CADM2: variants seen among roughly 807,000 people sequenced by gnomAD.
CADM2 encodes cell adhesion molecule 2.
A neutral mutation model predicts 49.8 loss-of-function variants in CADM2; 12 were observed. The ratio of observed to expected loss-of-function variants is 0.24; its 90% confidence interval spans 0.15 to 0.39. The LOEUF (loss-of-function observed/expected upper bound fraction) is 0.39, where lower values mean the gene tolerates loss of function less well. Among genes scored for constraint, CADM2 ranks in the 10% least tolerant of loss-of-function variants. CADM2 has a pLI of 1.00. For synonymous variants in CADM2, 214 were observed against 175.4 expected (o/e 1.22, Z -1.74); for missense variants, 378 against 492.3 (o/e 0.77, Z 2.20).
intron 1 of CADM2, among the ~76,000 whole-genome samples, chr3:85,651,557 A>T (rs2065042398): frequency 6.6e-6 from 1 of 152,218 alleles, no homozygotes; most frequent in African/African-American, 2.4e-5. Flanking sequence ...AAAGAAACAG[A>T]TATAAAAAGA....
intron 1 of CADM2, among the ~76,000 whole-genome samples, chr3:85,246,859 G>A (rs1469933467): frequency 6.6e-6 from 1 of 151,990 alleles, no homozygotes; most frequent in South Asian, 2.1e-4. Flanking sequence ...TGTTTGCTGT[G>A]TATATTTTGT....
intron 1 of CADM2, among the ~76,000 whole-genome samples, chr3:85,416,127 T>A (rs1463650350): frequency 6.6e-6 from 1 of 152,154 alleles, no homozygotes; most frequent in Non-Finnish European, 1.5e-5. Flanking sequence ...AACCTTATGC[T>A]ACAAAATAAA....
Position 85,877,110 on chromosome 3 carries a change from T to C in CADM2, c.239-6181T>C, listed in dbSNP as rs141582184. ...TTCCAGAATTTAGAGTTTTGAACTG[T>C]TAAATTACCCCACCGGTGGGTAGCA... On this transcript the variant is annotated intron_variant, in intron 3 of 9. Coordinates refer to ENST00000383699, the MANE Select transcript of CADM2 (RefSeq NM_001167675.2). 2.4e-4 allele frequency among the ~76,000 whole-genome samples: 36 copies of C among 152,226 alleles called. No homozygotes were observed. In the East Asian group the frequency reaches 4.4e-3, roughly 19 times the overall value.
intron 1 of CADM2, among the ~76,000 whole-genome samples, chr3:85,568,108 C>T (rs2062322530): frequency 6.6e-6 from 1 of 152,134 alleles, no homozygotes; most frequent in Non-Finnish European, 1.5e-5. Context: ...AATGTCTTAC[C>T]AGCTATCTAT....
intron 1 of CADM2, among the ~76,000 whole-genome samples, chr3:85,022,169 A>G (rs2034539348): frequency 6.6e-6 from 1 of 152,212 alleles, no homozygotes; most frequent in Non-Finnish European, 1.5e-5. Context: ...CACCATAGTA[A>G]CATCATCTTC....
At chr3:85,203,465 G>A (rs2041559676) in intron 1 of CADM2, among the ~76,000 whole-genome samples, 1 of 152,126 alleles carries the variant, frequency 6.6e-6, no homozygotes, top group African/African-American at 2.4e-5. Context: ...ATTAAAGTTT[G>A]TCATCTTATG....
At chr3:85,541,379 A>T (rs1482835499) in intron 1 of CADM2, among the ~76,000 whole-genome samples, 6 of 151,544 alleles carry the variant, frequency 4.0e-5, no homozygotes. Flanking sequence ...TCAAAATTGA[A>T]TGAATGTGAT....
chr3:85,235,366 A>G (rs1056796648), intron 1 of CADM2, among the ~76,000 whole-genome samples: 3 of 152,048 alleles, frequency 2.0e-5, no homozygotes, highest in Non-Finnish European at 4.4e-5. Flanking sequence ...TTGTACTGCA[A>G]ACCTAAATAC....
intron 2 of CADM2, among the ~76,000 whole-genome samples, chr3:85,776,599 T>C (rs1048848641): frequency 1.3e-5 from 2 of 152,216 alleles, no homozygotes; most frequent in African/African-American, 2.4e-5. Context: ...CTTTTAGATG[T>C]ATTACTTATC....
At chr3:85,895,505 C>G (rs1715105165) in intron 5 of CADM2, among the ~76,000 whole-genome samples, 1 of 152,186 alleles carries the variant, frequency 6.6e-6, no homozygotes. Context: ...TCAGATGAGA[C>G]TTTAGGCTGT....
At chr3:85,152,161 T>C (rs1385727867) in intron 1 of CADM2, among the ~76,000 whole-genome samples, 10 of 152,166 alleles carry the variant, frequency 6.6e-5, no homozygotes, top group Admixed American at 6.5e-4. Flanking sequence ...TTTTCAGCTT[T>C]TTCCTACCAG....
At chr3:85,655,160 A>ATTT (rs11401179) in intron 1 of CADM2, among the ~76,000 whole-genome samples, 2 of 147,084 alleles carry the variant, frequency 1.4e-5, no homozygotes, top group East Asian at 4.0e-4. Context: ...CACCTTGGTA[A>ATTT]TTTTTTTTTT....
chr3:86,000,593 T>C (rs961475034), intron 8 of CADM2, among the ~76,000 whole-genome samples: 4 of 151,768 alleles, frequency 2.6e-5, no homozygotes, highest in Non-Finnish European at 5.9e-5. Context: ...TTGAGTAAGA[T>C]GTGAAGTTGG....
At chr3:85,604,675 C>T (rs929246871) in intron 1 of CADM2, among the ~76,000 whole-genome samples, 3 of 151,926 alleles carry the variant, frequency 2.0e-5, no homozygotes, top group African/African-American at 7.2e-5. Flanking sequence ...AAGATCAATG[C>T]TAGCATCTTT....
chr3:85,276,495 C>T (rs1005961294), intron 1 of CADM2, among the ~76,000 whole-genome samples: 4 of 151,304 alleles, frequency 2.6e-5, no homozygotes, highest in Non-Finnish European at 5.9e-5. Context: ...TAACTTCTCA[C>T]ATTTAGTAGA....
At chr3:85,407,522 A>G (rs2035442991) in intron 1 of CADM2, among the ~76,000 whole-genome samples, 1 of 152,188 alleles carries the variant, frequency 6.6e-6, no homozygotes, top group South Asian at 2.1e-4. Flanking sequence ...TTCAAAATTA[A>G]GCCAAAGCAC....
chr3:85,248,284 ACT>A (rs1191752827), intron 1 of CADM2, among the ~76,000 whole-genome samples: 1 of 151,756 alleles, frequency 6.6e-6, no homozygotes, highest in African/African-American at 2.4e-5. Context: ...TTTTTTTTTA[ACT>A]TTTTTTGAGA....
At chr3:85,231,715 T>C (rs1045837242) in intron 1 of CADM2, among the ~76,000 whole-genome samples, 25 of 150,728 alleles carry the variant, frequency 1.7e-4, no homozygotes, top group African/African-American at 6.1e-4. Context: ...TTCTTTTTTT[T>C]TTTTTTTTGT....
intron 1 of CADM2, among the ~76,000 whole-genome samples, chr3:85,498,537 C>G (rs145776287): frequency 6.6e-6 from 1 of 152,260 alleles, no homozygotes; most frequent in African/African-American, 2.4e-5. Flanking sequence ...TTTTTAAAAA[C>G]TTATTGCATA....
Sources: allele counts gnomAD v4.1 joint callset (sites outside exome capture counted in the v4.1 genomes callset), GRCh38; gene constraint gnomAD v4.1.1; transcripts MANE v1.5; gene names NCBI Gene and HGNC (gene_info 2026-07-23, HGNC 2026-07-21).